The following ACSM3 variants were observed in gnomAD, a reference collection of about 807,000 sequenced individuals.
ACSM3 encodes the protein acyl-CoA synthetase medium chain family member 3, also known as acyl-coenzyme A synthetase ACSM3, mitochondrial.
Under a neutral mutation model 74.1 loss-of-function variants are expected in ACSM3, and 61 were observed. The ratio of observed to expected loss-of-function variants is 0.82; its 90% CI spans 0.67 to 1.02. ACSM3 has a LOEUF of 1.02. Ranked by LOEUF, ACSM3 falls within the 50% of genes least tolerant of loss-of-function variation. The pLI, the probability that ACSM3 is intolerant of heterozygous loss-of-function variation, is 0.00. For missense variants in ACSM3, 660 were observed against 697.0 expected (o/e 0.95, Z 0.60); for synonymous variants, 213 against 241.5 (o/e 0.88, Z 1.09).
chr16:20,736,657 T>C (rs1198110968), intron 1 of ACSM3: 9 of 506,868 alleles, frequency 1.8e-5, no homozygotes, highest in Non-Finnish European at 2.8e-5. Context: ...CTCCCCTCTT[T>C]GCAACAGCAG....
At chr16:20,723,989 T>C (rs1021546878) in intron 1 of ACSM3, among the ~76,000 whole-genome samples, 17 of 152,250 alleles carry the variant, frequency 1.1e-4, no homozygotes, top group Admixed American at 7.2e-4. Context: ...GCCTAGGTTT[T>C]CTTCTAGGGC....
chr16:20,739,424 G>A (rs1032616631), intron 1 of ACSM3, among the ~76,000 whole-genome samples: 2 of 152,050 alleles, frequency 1.3e-5, no homozygotes, highest in Admixed American at 6.5e-5. Context: ...ACTCGCCTCA[G>A]CCTCCCAAAG....
At chr16:20,677,618 G>C (rs234280) in intron 1 of ACSM3, among the ~76,000 whole-genome samples, 74,216 of 151,974 alleles carry the variant, frequency 0.49, 19,857 homozygotes, top group East Asian at 0.85. Context: ...CCCTTGGGGA[G>C]CCAGACATAG....
At chr16:20,776,555 A>T (rs2080258124) in intron 3 of ACSM3, among the ~76,000 whole-genome samples, 1 of 152,198 alleles carries the variant, frequency 6.6e-6, no homozygotes, top group Non-Finnish European at 1.5e-5. Context: ...TATATTTTTG[A>T]GAGTCCATTT....
chr16:20,697,555 TTACA>T (rs1215409721), intron 1 of ACSM3: 3 of 104,946 alleles, frequency 2.9e-5, no homozygotes, highest in East Asian at 3.2e-4. Context: ...TAAAATTGGA[TTACA>T]CACACACACA....
At chr16:20,697,325 C>T (rs531957557) in intron 1 of ACSM3, among the ~76,000 whole-genome samples, 3 of 152,140 alleles carry the variant, frequency 2.0e-5, no homozygotes, top group Non-Finnish European at 4.4e-5. Flanking sequence ...TCATCTCTGA[C>T]TTTGTGCCTG....
At chr16:20,725,151 C>T (rs1384762690) in intron 1 of ACSM3, among the ~76,000 whole-genome samples, 1 of 152,132 alleles carries the variant, frequency 6.6e-6, no homozygotes, top group African/African-American at 2.4e-5. Context: ...GCTACAGTAA[C>T]CAAAACAGCA....
intron 1 of ACSM3, chr16:20,685,130 T>C (rs2079523141): frequency 5.1e-6 from 8 of 1,568,578 alleles, no homozygotes; most frequent in African/African-American, 1.4e-5. Flanking sequence ...GCACCTAATA[T>C]CTCAGGACCC....
chr16:20,715,254 A>G (rs2079757514), intron 1 of ACSM3, among the ~76,000 whole-genome samples: 1 of 152,182 alleles, frequency 6.6e-6, no homozygotes, highest in Non-Finnish European at 1.5e-5. Context: ...TTTTAAGGGG[A>G]GGAAGGAAGT....
At chr16:20,794,184 G>A (rs550213692) in intron 12 of ACSM3, among the ~76,000 whole-genome samples, 1 of 152,240 alleles carries the variant, frequency 6.6e-6, no homozygotes. Context: ...CTCTAGGCTG[G>A]GTCCTGCCAG....
chr16:20,677,185 C>T (rs1282094562), intron 1 of ACSM3, among the ~76,000 whole-genome samples: 1 of 151,534 alleles, frequency 6.6e-6, no homozygotes, highest in East Asian at 1.9e-4. Flanking sequence ...GAAAGAGCCC[C>T]TCCTCTAGGA....
chr16:20,698,011 G>A (rs1414967078), intron 1 of ACSM3, among the ~76,000 whole-genome samples: 1 of 151,950 alleles, frequency 6.6e-6, no homozygotes, highest in Admixed American at 6.6e-5. Flanking sequence ...TGGCTAACAC[G>A]GTGAAACCCC....
At chr16:20,754,657 C>A (rs945645712) in intron 2 of ACSM3, among the ~76,000 whole-genome samples, 1 of 152,184 alleles carries the variant, frequency 6.6e-6, no homozygotes. Flanking sequence ...AGTTTGCTCA[C>A]ATGTATGCTT....
intron 1 of ACSM3, among the ~76,000 whole-genome samples, chr16:20,687,192 T>C (rs73530591): frequency 0.015 from 2,260 of 152,006 alleles, 55 homozygotes; most frequent in African/African-American, 0.051. Context: ...ATGGCATAAT[T>C]TGAATATGAT....
chr16:20,718,448 A>G, intron 1 of ACSM3: 2 of 557,528 alleles, frequency 3.6e-6, no homozygotes, highest in South Asian at 1.3e-4. Context: ...AAGATGGCCC[A>G]GCACTCTCAG....
chr16:20,712,601 T>C (rs1164391375), intron 1 of ACSM3, among the ~76,000 whole-genome samples: 3 of 151,094 alleles, frequency 2.0e-5, no homozygotes, highest in African/African-American at 7.4e-5. Context: ...GAGTAGCTTA[T>C]GTTTAAAAAA....
At chr16:20,711,636 T>C in intron 1 of ACSM3, 1 of 906,948 alleles carries the variant, frequency 1.1e-6, no homozygotes, top group Non-Finnish European at 1.7e-6. Context: ...TCCTGGTGTC[T>C]CCACAAAGCC....
At chr16:20,743,276 A>G (rs1365784884) in intron 1 of ACSM3, among the ~76,000 whole-genome samples, 1 of 151,978 alleles carries the variant, frequency 6.6e-6, no homozygotes, top group Non-Finnish European at 1.5e-5. Context: ...CATTTCCCAC[A>G]TAGAACAGTT....
intron 1 of ACSM3, among the ~76,000 whole-genome samples, chr16:20,683,378 T>A (rs1045331535): frequency 6.6e-6 from 1 of 152,056 alleles, no homozygotes; most frequent in African/African-American, 2.4e-5. Context: ...TCTGTCTGCC[T>A]TAGCCTCCCA....
Sources: allele counts gnomAD v4.1 joint callset (sites outside exome capture counted in the v4.1 genomes callset), GRCh38; gene constraint gnomAD v4.1.1; transcripts MANE v1.5; gene names NCBI Gene and HGNC (gene_info 2026-07-23, HGNC 2026-07-21).